GREB1L: variants seen among roughly 807,000 people sequenced by gnomAD.
GREB1L encodes the protein GREB1-like protein.
Under a neutral mutation model 200.8 loss-of-function variants are expected in GREB1L, and 17 were observed. The observed-to-expected ratio is 0.08, with a 90% confidence interval of 0.06 to 0.13. GREB1L has a LOEUF of 0.13. GREB1L is among the 10% of genes least tolerant of loss of function. The pLI, the probability that GREB1L is intolerant of heterozygous loss-of-function variation, is 1.00. For missense variants in GREB1L, 1,657 were observed against 2,367.7 expected, an observed-to-expected ratio of 0.70 and a Z score of 6.23; for synonymous variants, 789 against 893.0, an observed-to-expected ratio of 0.88 and a Z score of 2.08.
At chr18:21,428,899 G>A (rs1050376427) in intron 7 of GREB1L, among the ~76,000 whole-genome samples, 3 of 151,746 alleles carry the variant, frequency 2.0e-5, no homozygotes, top group Non-Finnish European at 4.4e-5. Context: ...TGTATTTTTA[G>A]TAGAGGTGGG....
chr18:21,434,571 G>GTATATA (rs148448547), intron 7 of GREB1L, among the ~76,000 whole-genome samples: 19 of 136,302 alleles, frequency 1.4e-4, no homozygotes, highest in African/African-American at 5.4e-4. Flanking sequence ...ATATATGTGT[G>GTATATA]TATATATATA....
intron 1 of GREB1L, among the ~76,000 whole-genome samples, chr18:21,306,438 T>C: frequency 6.6e-6 from 1 of 152,202 alleles, no homozygotes; most frequent in Non-Finnish European, 1.5e-5. Context: ...TAGCTTTTTC[T>C]CTTGTAATGC....
chr18:21,388,803 G>A lies in GREB1L; in HGVS notation c.355+4400G>A, dbSNP rs77610171. 3.3e-3 allele frequency among the ~76,000 whole-genome samples: 496 copies of A among 151,990 alleles called. 18 individuals carry two copies. In the East Asian group the frequency reaches 0.065, roughly 20 times the overall value. On this transcript the variant is annotated intron_variant, in intron 4 of 32. Coordinates refer to ENST00000424526, the MANE Select transcript of GREB1L (RefSeq NM_001142966.3). ...TTCCTTGTTTTTGATGACCTTGGCC[G>A]TTTGGGGAGTATTAGGCATATTGTA...
Position 21,449,766 on chromosome 18 carries a change from G to T in GREB1L, c.1650G>T (p.Arg550Ser). The T allele has an allele frequency of 6.4e-7, 1 of 1,551,302 alleles. No individual in the cohort carries two copies. Among genetic ancestry groups the T allele is most frequent in the Non-Finnish European group, 8.7e-7 (1 of 1,146,790 alleles). Residue 550 changes from arginine (R) to serine (S), a missense_variant, in exon 12 of 33, where the codon AGG becomes AGT. Physicochemically the swap from Arg to Ser is moderately radical, Grantham distance 110 (BLOSUM62 -1). Coordinates refer to ENST00000424526, the MANE Select transcript of GREB1L (RefSeq NM_001142966.3). ...TCAGTGAAATGAGACACTATCAAAGGCTGCCAGATTATGTGGTGGTAATTT... is the reference window on the plus strand; with the variant it reads ...TCAGTGAAATGAGACACTATCAAAGTCTGCCAGATTATGTGGTGGTAATTT... ...RTLSEMRHYQ[R>S]LPDYVVVICA...
At chr18:21,309,742 G>A (rs1022782948) in intron 1 of GREB1L, among the ~76,000 whole-genome samples, 6 of 151,928 alleles carry the variant, frequency 3.9e-5, no homozygotes, top group African/African-American at 1.5e-4. Context: ...CTGTGGGTGA[G>A]CAAAACATAA....
intron 1 of GREB1L, among the ~76,000 whole-genome samples, chr18:21,349,339 A>AT (rs2039400465): frequency 6.6e-6 from 1 of 151,762 alleles, no homozygotes; most frequent in Non-Finnish European, 1.5e-5. Flanking sequence ...TACTTTTTAA[A>AT]TTTTTTTTCT....
chr18:21,439,506 C>T lies in GREB1L; in HGVS notation c.833-15C>T. On this transcript the variant is annotated splice_polypyrimidine_tract_variant and intron_variant, in intron 7 of 32. Transcript: ENST00000424526. The stretch of plus-strand genomic sequence containing the variant: ...CAGCCTCTGTTCTGAGCACTCCTCT[C>T]CTTGTGTTCTACAGATGCTGCTAAT... 1 of 1,465,418 alleles carries T rather than the reference C, an allele frequency of 6.8e-7. No homozygotes were observed. Among genetic ancestry groups the T allele is most frequent in the Admixed American group, 2.0e-5 (1 of 50,876 alleles). The allele number at this position is 1,465,418 out of a possible 1,614,324, so 90.8% of individuals were successfully genotyped here. A position where few individuals can be genotyped will look rare whatever the true frequency, so the allele number is the denominator to read the frequency against.
rs367937910 is a variant in GREB1L at position 21,335,620 on chromosome 18, T to C, written c.-119-30407T>C. ...CTGTTGAGCATTTAAACTAATCTTATGAAGGCCTTGATTATAGCTATAATG... is the reference window on the plus strand; with the variant it reads ...CTGTTGAGCATTTAAACTAATCTTACGAAGGCCTTGATTATAGCTATAATG... On this transcript the variant is annotated intron_variant, in intron 1 of 32. Coordinates refer to ENST00000424526, the MANE Select transcript of GREB1L (RefSeq NM_001142966.3). Among the ~76,000 whole-genome samples, 118 of 152,200 alleles carry C rather than the reference T, an allele frequency of 7.8e-4. 2 individuals are homozygous for C. The highest frequency in any genetic ancestry group is 2.7e-3 in the African/African-American group (114 of 41,552).
chr18:21,481,473 G>C (rs879651486), intron 17 of GREB1L, among the ~76,000 whole-genome samples: 2 of 140,078 alleles, frequency 1.4e-5, no homozygotes, highest in Non-Finnish European at 3.1e-5. Context: ...GTGTGTGTGT[G>C]TGTGTATATA....
rs1160150831 is a variant in GREB1L at position 21,508,381 on chromosome 18, C to G, written c.4531-6C>G. On this transcript the variant is annotated splice_region_variant and splice_polypyrimidine_tract_variant and intron_variant, in intron 26 of 32. Coordinates refer to ENST00000424526, the MANE Select transcript of GREB1L (RefSeq NM_001142966.3). ...CTTTATGGTCTGTTTTTTTCCCTTT[C>G]AGCAGAATTTGAATGCAGTCAAGAG... The G allele has an allele frequency of 8.4e-6, 13 of 1,550,544 alleles. No homozygotes were observed. The highest frequency in any genetic ancestry group is 5.5e-5 in the African/African-American group (4 of 72,930).
intron 7 of GREB1L, among the ~76,000 whole-genome samples, chr18:21,431,129 C>T (rs1002395998): frequency 1.2e-4 from 18 of 151,970 alleles, no homozygotes; most frequent in African/African-American, 4.1e-4. Context: ...TCAAGTGATT[C>T]TCCTGCCTCA....
chr18:21,444,538 C>T (rs1293865947), intron 11 of GREB1L, 129 bp downstream of exon 11: 8 of 739,950 alleles, frequency 1.1e-5, no homozygotes, highest in African/African-American at 5.3e-5. Flanking sequence ...ATGTTCTTTC[C>T]CTTCAACCCC....
chr18:21,268,522 T>TATATATACAC (rs1555623509), intron 1 of GREB1L, among the ~76,000 whole-genome samples: 1 of 65,138 alleles, frequency 1.5e-5, no homozygotes, highest in Non-Finnish European at 3.0e-5. Context: ...TATATATATA[T>TATATATACAC]ACACACACAC....
chr18:21,456,571 T>A (rs1183071514), intron 15 of GREB1L, among the ~76,000 whole-genome samples: 4 of 152,190 alleles, frequency 2.6e-5, no homozygotes, highest in African/African-American at 7.2e-5. Context: ...TTAACCCCTC[T>A]TGGTGGCTGT....
chr18:21,304,786 G>A (rs1567929428), intron 1 of GREB1L, among the ~76,000 whole-genome samples: 2 of 152,094 alleles, frequency 1.3e-5, no homozygotes, highest in South Asian at 2.1e-4. Context: ...AGGAGAGGGG[G>A]AATGGGAATG....
intron 2 of GREB1L, among the ~76,000 whole-genome samples, chr18:21,377,132 G>C (rs2040107452): frequency 6.6e-6 from 1 of 152,022 alleles, no homozygotes; most frequent in African/African-American, 2.4e-5. Context: ...CCACAACATT[G>C]TGGTTTGCAG....
intron 2 of GREB1L, among the ~76,000 whole-genome samples, chr18:21,368,174 T>TA (rs1330466277): frequency 1.3e-5 from 2 of 152,238 alleles, no homozygotes; most frequent in Admixed American, 1.3e-4. Flanking sequence ...GAATTTTTGA[T>TA]AATCACTCGT....
chr18:21,424,607 AAAAT>A (rs1487310510), intron 7 of GREB1L, among the ~76,000 whole-genome samples: 2 of 152,198 alleles, frequency 1.3e-5, no homozygotes, highest in Non-Finnish European at 2.9e-5. Flanking sequence ...GTCTCAAAAT[AAAAT>A]AAACTGACAA....
intron 1 of GREB1L, among the ~76,000 whole-genome samples, chr18:21,284,884 A>G (rs1285700745): frequency 6.6e-6 from 1 of 152,154 alleles, no homozygotes; most frequent in Non-Finnish European, 1.5e-5. Flanking sequence ...GTGGGTATGA[A>G]GTAGTATCCC....
Sources: allele counts gnomAD v4.1 joint callset (sites outside exome capture counted in the v4.1 genomes callset), GRCh38; gene constraint gnomAD v4.1.1; transcripts MANE v1.5; gene names NCBI Gene and HGNC (gene_info 2026-07-23, HGNC 2026-07-21).